CTDSPL: variants seen among roughly 807,000 people sequenced by gnomAD.
CTDSPL encodes the protein CTD small phosphatase like, also known as CTD small phosphatase-like protein.
A neutral mutation model predicts 30.5 loss-of-function variants in CTDSPL; 8 were observed. That is an observed-to-expected ratio of 0.26 (90% confidence interval 0.15 to 0.47). The LOEUF is 0.47. Ranked by LOEUF, CTDSPL falls within the 20% of genes least tolerant of loss-of-function variation. CTDSPL has a pLI of 0.99. For missense variants in CTDSPL, 248 were observed against 366.1 expected, an observed-to-expected ratio of 0.68 and a Z score of 2.63; for synonymous variants, 110 against 137.9, an observed-to-expected ratio of 0.80 and a Z score of 1.42.
rs779139550 is a variant in CTDSPL, at chr3:37,957,160, A to C, written c.267+17A>C. Reference sequence around the variant, plus strand: ...ATACCAAGTGTATGTATATTTATCTAATTTTATTTATTAAAACAGTCATAA... The same window carrying C: ...ATACCAAGTGTATGTATATTTATCTCATTTTATTTATTAAAACAGTCATAA... On this transcript the variant is annotated intron_variant, in intron 3 of 7. Coordinates refer to ENST00000273179, the MANE Select transcript of CTDSPL (RefSeq NM_001008392.2). 4.3e-5 allele frequency: 67 copies of C among 1,542,550 alleles called. No homozygotes were observed. The highest frequency in any genetic ancestry group is 5.5e-5 in the Non-Finnish European group (62 of 1,132,696).
chr3:37,957,427 A>C (rs185909073), intron 3 of CTDSPL, among the ~76,000 whole-genome samples: 81 of 152,240 alleles, frequency 5.3e-4, no homozygotes, highest in African/African-American at 1.7e-3. Context: ...TCCAAGCTGA[A>C]CAAGCTGAGG....
intron 1 of CTDSPL, among the ~76,000 whole-genome samples, chr3:37,913,824 C>T (rs1698611705): frequency 6.6e-6 from 1 of 152,216 alleles, no homozygotes; most frequent in African/African-American, 2.4e-5. Flanking sequence ...TTACACTGCT[C>T]TTTTGCCAAA....
At chr3:37,923,793 G>GTT (rs74963285) in intron 1 of CTDSPL, among the ~76,000 whole-genome samples, 3 of 141,260 alleles carry the variant, frequency 2.1e-5, no homozygotes, top group Non-Finnish European at 1.6e-5. Flanking sequence ...GCTTTTCTCT[G>GTT]TTTTTTTTTT....
chr3:37,946,332 T>C (rs1325975866), intron 1 of CTDSPL, among the ~76,000 whole-genome samples: 1 of 152,238 alleles, frequency 6.6e-6, no homozygotes, highest in Non-Finnish European at 1.5e-5. Flanking sequence ...CAGGGCACAG[T>C]ATTGCCCTGG....
rs1227850404 is a variant in CTDSPL at position 37,982,843 on chromosome 3, T to C, written c.*1976T>C. The C allele has an allele frequency of 5.5e-6, 2 of 360,528 alleles. No homozygotes were observed. Among genetic ancestry groups the C allele is most frequent in the African/African-American group, 4.3e-5 (2 of 46,984 alleles). The allele number at this position is 360,528 out of a possible 1,614,324, so 22.3% of individuals were successfully genotyped here. A position where few individuals can be genotyped will look rare whatever the true frequency, so the allele number is the denominator to read the frequency against. ...AACCCACTGCCTTAAATGTCTTGAA[T>C]GTTGCAGTCAAGTGTCTGTCATGTG... On this transcript the variant is annotated 3_prime_UTR_variant, in exon 8 of 8. Coordinates refer to ENST00000273179, the MANE Select transcript of CTDSPL (RefSeq NM_001008392.2).
chr3:37,934,536 A>G (rs904709167), intron 1 of CTDSPL, among the ~76,000 whole-genome samples: 2 of 152,238 alleles, frequency 1.3e-5, no homozygotes, highest in African/African-American at 4.8e-5. Context: ...GCCACACTCA[A>G]CATGTTGGTA....
chr3:37,862,002 G>C lies in CTDSPL; in HGVS notation c.-198G>C, dbSNP rs1697944547. On this transcript the variant is annotated 5_prime_UTR_variant, in exon 1 of 8. Coordinates refer to ENST00000273179, the MANE Select transcript of CTDSPL (RefSeq NM_001008392.2). The surrounding 1 kb of genome is among the most constrained non-coding windows in gnomAD (Gnocchi z 4.3). ...TGGTGACGAGGCGGCGGCCGCTCGAGCCCAGCGGCGGCGGCGGCGGGAGCT... is the reference window on the plus strand; with the variant it reads ...TGGTGACGAGGCGGCGGCCGCTCGACCCCAGCGGCGGCGGCGGCGGGAGCT... The C allele has an allele frequency of 6.9e-6, 1 of 145,830 alleles. No individual in the cohort carries two copies. Among genetic ancestry groups the C allele is most frequent in the African/African-American group, 2.5e-5 (1 of 40,112 alleles). The allele number at this position is 145,830 out of a possible 1,614,324, so 9.0% of individuals were successfully genotyped here. A position where few individuals can be genotyped will look rare whatever the true frequency, so the allele number is the denominator to read the frequency against.
At chr3:37,931,885 G>A (rs1262105868) in intron 1 of CTDSPL, among the ~76,000 whole-genome samples, 1 of 151,824 alleles carries the variant, frequency 6.6e-6, no homozygotes, top group Admixed American at 6.6e-5. Context: ...TGTTCCACAA[G>A]TTGATAGAAC....
intron 1 of CTDSPL, among the ~76,000 whole-genome samples, chr3:37,895,776 T>C (rs1185140754): frequency 6.6e-6 from 1 of 152,160 alleles, no homozygotes; most frequent in Admixed American, 6.5e-5. Context: ...AGTAGTTTCC[T>C]ATAGAGAAGT....
chr3:37,914,478 A>G (rs1038090179), intron 1 of CTDSPL, among the ~76,000 whole-genome samples: 1 of 152,212 alleles, frequency 6.6e-6, no homozygotes, highest in Non-Finnish European at 1.5e-5. Context: ...TTATTTGTAA[A>G]TACCATATCA....
intron 1 of CTDSPL, among the ~76,000 whole-genome samples, chr3:37,866,309 C>T (rs958880112): frequency 6.6e-6 from 1 of 151,852 alleles, no homozygotes; most frequent in Non-Finnish European, 1.5e-5. Flanking sequence ...CAGTATGGTT[C>T]CTACCTTTGT....
intron 1 of CTDSPL, among the ~76,000 whole-genome samples, chr3:37,917,224 G>A (rs766007009): frequency 6.6e-6 from 1 of 152,124 alleles, no homozygotes; most frequent in African/African-American, 2.4e-5. Flanking sequence ...ACACAAGAGG[G>A]ACAAAGCAAG....
intron 6 of CTDSPL, among the ~76,000 whole-genome samples, chr3:37,973,952 C>G (rs1228174244): frequency 6.6e-6 from 1 of 152,352 alleles, no homozygotes; most frequent in African/African-American, 2.4e-5. Context: ...TTAGAGCAAG[C>G]TTGTCCAGCC....
intron 1 of CTDSPL, among the ~76,000 whole-genome samples, chr3:37,943,068 A>T (rs1407446048): frequency 1.3e-5 from 2 of 150,252 alleles, no homozygotes; most frequent in Non-Finnish European, 3.0e-5. Context: ...ATGAGGGAAA[A>T]GGACAGATGT....
At chr3:37,976,144 G>A (rs965277956) in intron 7 of CTDSPL, among the ~76,000 whole-genome samples, 2 of 152,048 alleles carry the variant, frequency 1.3e-5, no homozygotes, top group Non-Finnish European at 1.5e-5. Context: ...TTGCAGTGTG[G>A]CAATATATAA....
At chr3:37,958,244 T>A (rs1252337922) in intron 3 of CTDSPL, among the ~76,000 whole-genome samples, 2 of 152,212 alleles carry the variant, frequency 1.3e-5, no homozygotes, top group Admixed American at 1.3e-4. Context: ...AACTCTTCAT[T>A]GACTAATGCG....
chr3:37,977,421 T>C (rs1290186382), intron 7 of CTDSPL, among the ~76,000 whole-genome samples: 1 of 152,184 alleles, frequency 6.6e-6, no homozygotes, highest in Non-Finnish European at 1.5e-5. Context: ...ATGCCATTTA[T>C]TTGTTGAAGA....
At chr3:37,934,896 T>A (rs1277126181) in intron 1 of CTDSPL, among the ~76,000 whole-genome samples, 3 of 152,176 alleles carry the variant, frequency 2.0e-5, no homozygotes, top group Admixed American at 6.5e-5. Context: ...TGTTTCTAGG[T>A]CCTAGGGGAC....
intron 1 of CTDSPL, among the ~76,000 whole-genome samples, chr3:37,908,216 T>C (rs1485180281): frequency 6.6e-6 from 1 of 152,248 alleles, no homozygotes; most frequent in African/African-American, 2.4e-5. Flanking sequence ...CACCACCTGG[T>C]AGCCCCCGCC....
Sources: gnomAD v4.1 joint callset for allele counts (sites outside exome capture counted in the v4.1 genomes callset) on GRCh38, gnomAD v4.1.1 for gene constraint, Gnocchi (gnomAD v3.1) non-coding constraint, MANE v1.5 for transcripts, NCBI Gene and HGNC (gene_info 2026-07-23, HGNC 2026-07-21) for gene names.